Variants in SORCS1 observed in about 807,000 individuals in gnomAD.
SORCS1 encodes the protein VPS10 domain-containing receptor SorCS1.
SORCS1 carries 60 observed loss-of-function variants against 146.1 expected under a neutral mutation model. The observed-to-expected ratio is 0.41, with a 90% CI of 0.33 to 0.51. The LOEUF (loss-of-function observed/expected upper bound fraction) is 0.51, where lower values mean the gene tolerates loss of function less well. Among genes scored for constraint, SORCS1 ranks in the 20% least tolerant of loss-of-function variants. SORCS1 has a pLI of 0.21. For synonymous variants in SORCS1, 637 were observed against 584.0 expected (o/e 1.09, Z -1.31); for missense variants, 1,352 against 1,487.6 (o/e 0.91, Z 1.50).
At chr10:106,587,813 G>A (rs1845331287) in intron 24 of SORCS1, among the ~76,000 whole-genome samples, 1 of 152,310 alleles carries the variant, frequency 6.6e-6, no homozygotes, top group South Asian at 2.1e-4. Flanking sequence ...CAGACAGGAG[G>A]AGGTAGAAGC....
intron 1 of SORCS1, among the ~76,000 whole-genome samples, chr10:106,999,102 C>T (rs1212677540): frequency 6.6e-6 from 1 of 152,058 alleles, no homozygotes; most frequent in Non-Finnish European, 1.5e-5. Flanking sequence ...CTTCCAAGAG[C>T]CTGCATTAAA....
chr10:106,860,320 C>T lies in SORCS1; in HGVS notation c.627-30647G>A, dbSNP rs1949961767. ...CATGTTCTATCTTTTGATACAACCC[C>T]AATCTCCAGGTACTTCTAGTCTGAC... On this transcript the variant is annotated intron_variant, in intron 2 of 25. Coordinates refer to ENST00000263054, the MANE Select transcript of SORCS1 (RefSeq NM_052918.5). 2.0e-5 allele frequency among the ~76,000 whole-genome samples: 3 copies of T among 152,170 alleles called. No homozygotes were observed. The South Asian group carries it at 6.2e-4, about 32-fold the overall frequency.
At chr10:107,038,514 C>T (rs1028291609) in intron 1 of SORCS1, among the ~76,000 whole-genome samples, 9 of 152,054 alleles carry the variant, frequency 5.9e-5, no homozygotes, top group African/African-American at 2.2e-4. Flanking sequence ...ACATTGTGCG[C>T]ACGTACCCTA....
intron 2 of SORCS1, among the ~76,000 whole-genome samples, chr10:106,865,567 T>C (rs1950195766): frequency 6.6e-6 from 1 of 151,400 alleles, no homozygotes; most frequent in African/African-American, 2.4e-5. Context: ...CTACTAAAAA[T>C]ACAAAAAATT....
At chr10:106,725,982 A>G (rs1224783184) in intron 6 of SORCS1, among the ~76,000 whole-genome samples, 1 of 151,712 alleles carries the variant, frequency 6.6e-6, no homozygotes, top group Non-Finnish European at 1.5e-5. Flanking sequence ...ACACAGAGAT[A>G]TGAAATTCGT....
At chr10:106,803,746 T>C (rs887047547) in intron 3 of SORCS1, among the ~76,000 whole-genome samples, 6 of 152,236 alleles carry the variant, frequency 3.9e-5, no homozygotes, top group Non-Finnish European at 7.3e-5. Context: ...CTGAATGTAG[T>C]GTCTGTCAGA....
At chr10:106,737,635 G>A (rs922897136) in intron 5 of SORCS1, among the ~76,000 whole-genome samples, 4 of 152,048 alleles carry the variant, frequency 2.6e-5, no homozygotes, top group Admixed American at 6.6e-5. Context: ...TGAGGCAGGC[G>A]AATTGCTTGA....
chr10:106,926,909 G>T (rs188033443), intron 2 of SORCS1, among the ~76,000 whole-genome samples: 19 of 150,852 alleles, frequency 1.3e-4, no homozygotes, highest in African/African-American at 4.6e-4. Context: ...AATGACAAAT[G>T]TCTATGTTGG....
In SORCS1 at chr10:106,646,562, G is replaced by C. The variant is rs532607665; in HGVS notation, c.2475+5820C>G. Among the ~76,000 whole-genome samples, 3 of 151,776 alleles carry C rather than the reference G, an allele frequency of 2.0e-5. No individual in the cohort carries two copies. In the South Asian group the frequency reaches 6.3e-4, roughly 32 times the overall value. Reference sequence around the variant, plus strand: ...AATACAAAAATTAGCTGGGTGTGGTGGCATGCCCCTGTAGTTCCAGCTACT... The same window carrying C: ...AATACAAAAATTAGCTGGGTGTGGTCGCATGCCCCTGTAGTTCCAGCTACT... On this transcript the variant is annotated intron_variant, in intron 18 of 25. Coordinates refer to ENST00000263054, the MANE Select transcript of SORCS1 (RefSeq NM_052918.5).
At chr10:107,016,232 G>A (rs1180722307) in intron 1 of SORCS1, among the ~76,000 whole-genome samples, 1 of 152,214 alleles carries the variant, frequency 6.6e-6, no homozygotes, top group Non-Finnish European at 1.5e-5. Flanking sequence ...AGGTTGCACT[G>A]TAGAATAGTC....
At chr10:107,171,949 T>C in the SORCS1 span, among the ~76,000 whole-genome samples, 2 of 152,238 alleles carry the variant, frequency 1.3e-5, no homozygotes, top group South Asian at 4.1e-4. Flanking sequence ...CTCAACTACC[T>C]GCTCAGTTAC....
intron 1 of SORCS1, among the ~76,000 whole-genome samples, chr10:107,105,075 A>G (rs1463469771): frequency 6.6e-6 from 1 of 152,246 alleles, no homozygotes; most frequent in Non-Finnish European, 1.5e-5. Flanking sequence ...GATAATACTG[A>G]TACCGATCAT....
chr10:107,144,933 G>C (rs977680133), intron 1 of SORCS1, among the ~76,000 whole-genome samples: 13 of 152,306 alleles, frequency 8.5e-5, no homozygotes, highest in Non-Finnish European at 1.6e-4. Context: ...GGAAAAAAAA[G>C]AATAGTTACG....
intron 3 of SORCS1, among the ~76,000 whole-genome samples, chr10:106,790,483 G>A (rs1055682292): frequency 7.9e-5 from 12 of 152,158 alleles, no homozygotes; most frequent in African/African-American, 2.9e-4. Flanking sequence ...ACTAAGGAAG[G>A]GCAAGGAAGC....
chr10:106,575,249 C>T lies in SORCS1; in HGVS notation c.*2171G>A, dbSNP rs925897513. 6.6e-6 allele frequency: 1 copy of T among 152,506 alleles called. No individual in the cohort carries two copies. The highest frequency in any genetic ancestry group is 1.5e-5 in the Non-Finnish European group (1 of 68,046). The allele number at this position is 152,506 out of a possible 1,614,324, so 9.4% of individuals were successfully genotyped here. A position where few individuals can be genotyped will look rare whatever the true frequency, so the allele number is the denominator to read the frequency against. On this transcript the variant is annotated 3_prime_UTR_variant, in exon 26 of 26. Transcript: ENST00000263054. ...TCTACAAATAGGTGACTGCCTCAGG[C>T]CTAGCCCATTTCCCAGATTCATATG...
At chr10:106,610,520 G>A (rs999117387) in intron 22 of SORCS1, among the ~76,000 whole-genome samples, 3 of 152,230 alleles carry the variant, frequency 2.0e-5, no homozygotes, top group African/African-American at 7.2e-5. Context: ...TGAAGACAGG[G>A]AAGACCAGCT....
At chr10:106,905,928 T>C (rs1951890242) in intron 2 of SORCS1, among the ~76,000 whole-genome samples, 1 of 152,218 alleles carries the variant, frequency 6.6e-6, no homozygotes, top group South Asian at 2.1e-4. Context: ...ATCTGCAAAC[T>C]TTTTGTACTA....
At chr10:106,953,950 A>G (rs769017376) in intron 2 of SORCS1, among the ~76,000 whole-genome samples, 1 of 152,238 alleles carries the variant, frequency 6.6e-6, no homozygotes, top group East Asian at 1.9e-4. Flanking sequence ...ATTTCACCCA[A>G]GTAGACTGCT....
the SORCS1 span, among the ~76,000 whole-genome samples, chr10:107,174,459 C>T: frequency 6.6e-5 from 10 of 152,230 alleles, no homozygotes; most frequent in South Asian, 8.3e-4. Context: ...CCACCCGTCT[C>T]GGCCTCCCAA....
Sources: allele counts gnomAD v4.1 joint callset (sites outside exome capture counted in the v4.1 genomes callset), GRCh38; gene constraint gnomAD v4.1.1; transcripts MANE v1.5; gene names NCBI Gene and HGNC (gene_info 2026-07-23, HGNC 2026-07-21).